The following BMPR1A variants were observed in gnomAD, a reference collection of about 807,000 sequenced individuals.
BMPR1A encodes the protein bone morphogenetic protein receptor type 1A.
A neutral mutation model predicts 66.0 loss-of-function variants in BMPR1A; 7 were observed. The observed-to-expected ratio is 0.11, with a 90% confidence interval of 0.06 to 0.20. The LOEUF (loss-of-function observed/expected upper bound fraction) is 0.20, where lower values mean the gene tolerates loss of function less well. Among genes scored for constraint, BMPR1A ranks in the 10% least tolerant of loss-of-function variants. BMPR1A has a pLI of 1.00. For missense variants in BMPR1A, 408 were observed against 669.1 expected, an observed-to-expected ratio of 0.61 and a Z score of 4.31; for synonymous variants, 200 against 229.7, an observed-to-expected ratio of 0.87 and a Z score of 1.17.
In BMPR1A at chr10:86,864,958, T is replaced by G. The variant is rs190448179; in HGVS notation, c.-152-10909T>G. Among the ~76,000 whole-genome samples, 707 of 152,028 alleles carry G rather than the reference T, an allele frequency of 4.7e-3. 2 individuals carry two copies. The highest frequency in any genetic ancestry group is 0.016 in the African/African-American group (680 of 41,450). On this transcript the variant is annotated intron_variant, in intron 2 of 12. Transcript: ENST00000372037. ...AGCAGCCCTGAGAAACACCGCCCAT[T>G]CTCTCTCCATACCACCCCCCAAAAA... is the stretch of plus-strand genomic sequence containing the variant.
In BMPR1A at chr10:86,762,461, T is replaced by C. The variant is rs952927573; in HGVS notation, c.-268+5542T>C. 5.3e-5 allele frequency among the ~76,000 whole-genome samples: 8 copies of C among 151,924 alleles called. No individual in the cohort carries two copies. In the East Asian group the frequency reaches 1.4e-3, roughly 26 times the overall value. ...GCAACCTCCGCCTCCTGGGTTCAAGTGATTATCCTGGCTCAGCTTCCCGAG... is the reference window on the plus strand; with the variant it reads ...GCAACCTCCGCCTCCTGGGTTCAAGCGATTATCCTGGCTCAGCTTCCCGAG... On this transcript the variant is annotated intron_variant, in intron 1 of 12. Coordinates refer to ENST00000372037, the MANE Select transcript of BMPR1A (RefSeq NM_004329.3).
chr10:86,889,145 C>T (rs1051974050), intron 3 of BMPR1A, among the ~76,000 whole-genome samples: 2 of 152,098 alleles, frequency 1.3e-5, no homozygotes, highest in Non-Finnish European at 2.9e-5. Flanking sequence ...TTTTTAGTTC[C>T]GTTCTGCTTC....
At chr10:86,896,821 G>GGTATT (rs1424159702) in intron 5 of BMPR1A, among the ~76,000 whole-genome samples, 1 of 152,198 alleles carries the variant, frequency 6.6e-6, no homozygotes, top group Non-Finnish European at 1.5e-5. Flanking sequence ...AATACGTGAA[G>GGTATT]GATACGTTGC....
upstream of BMPR1A, chr10:86,755,781 A>G (rs1847847926): frequency 1.3e-5 from 2 of 151,984 alleles, no homozygotes; most frequent in South Asian, 4.1e-4. Context: ...GCCGCTCCTT[A>G]TCTTATGCCG....
intron 9 of BMPR1A, among the ~76,000 whole-genome samples, chr10:86,917,811 T>C (rs764667642): frequency 2.0e-5 from 3 of 152,228 alleles, no homozygotes; most frequent in Non-Finnish European, 4.4e-5. Flanking sequence ...AGTTTTCTTT[T>C]CCCTTCACCT....
intron 1 of BMPR1A, among the ~76,000 whole-genome samples, chr10:86,803,397 C>T (rs992965623): frequency 6.6e-6 from 1 of 152,148 alleles, no homozygotes; most frequent in Non-Finnish European, 1.5e-5. Flanking sequence ...TAACAATTTA[C>T]ATCAGCCACA....
At chr10:86,802,214 C>T (rs1393089768) in intron 1 of BMPR1A, among the ~76,000 whole-genome samples, 1 of 152,118 alleles carries the variant, frequency 6.6e-6, no homozygotes, top group African/African-American at 2.4e-5. Flanking sequence ...TCAGCACAGT[C>T]CAGATGGTGG....
chr10:86,874,274 C>T (rs959869062), intron 2 of BMPR1A, among the ~76,000 whole-genome samples: 2 of 152,184 alleles, frequency 1.3e-5, no homozygotes, highest in African/African-American at 2.4e-5. Flanking sequence ...ATCACCAAAC[C>T]TTAATTGGAG....
chr10:86,923,845 A>G lies in BMPR1A; in HGVS notation c.*126A>G. 7.8e-7 allele frequency: 1 copy of G among 1,280,842 alleles called. No individual in the cohort carries two copies. Among genetic ancestry groups the G allele is most frequent in the East Asian group, 2.4e-5 (1 of 42,244 alleles). 79.3% of individuals were successfully genotyped at this position (1,280,842 alleles called of 1,614,324 possible). A position where few individuals can be genotyped will look rare whatever the true frequency, so the allele number is the denominator to read the frequency against. ...GACTCTTTCTTCACTACGTGTTCAC[A>G]GGCTGCTAATATTAAACCTTTCAGT... is the stretch of plus-strand genomic sequence containing the variant. On this transcript the variant is annotated 3_prime_UTR_variant, in exon 13 of 13. Transcript: ENST00000372037.
At chr10:86,802,075 C>T (rs1312471899) in intron 1 of BMPR1A, among the ~76,000 whole-genome samples, 4 of 152,098 alleles carry the variant, frequency 2.6e-5, no homozygotes, top group African/African-American at 7.2e-5. Flanking sequence ...TTTTTGTCTG[C>T]GTCGTTGAGG....
At chr10:86,806,662 C>T (rs1011350726) in intron 1 of BMPR1A, among the ~76,000 whole-genome samples, 3 of 152,096 alleles carry the variant, frequency 2.0e-5, no homozygotes, top group African/African-American at 7.2e-5. Flanking sequence ...GTTGATCCTC[C>T]CATCTCAGCC....
chr10:86,823,120 T>A (rs1842144334), intron 1 of BMPR1A, among the ~76,000 whole-genome samples: 1 of 152,218 alleles, frequency 6.6e-6, no homozygotes, highest in Non-Finnish European at 1.5e-5. Context: ...CAGCAAGTGT[T>A]TGATGCTATT....
intron 8 of BMPR1A, among the ~76,000 whole-genome samples, chr10:86,916,809 G>A (rs1428589808): frequency 2.0e-5 from 3 of 152,062 alleles, no homozygotes; most frequent in Non-Finnish European, 4.4e-5. Flanking sequence ...TGGTCAACGT[G>A]GCTAAACCCC....
At chr10:86,779,509 T>C (rs1841403618) in intron 1 of BMPR1A, among the ~76,000 whole-genome samples, 1 of 152,252 alleles carries the variant, frequency 6.6e-6, no homozygotes, top group Non-Finnish European at 1.5e-5. Flanking sequence ...TTGTATATTC[T>C]GGATATTGGC....
chr10:86,854,749 A>G, intron 2 of BMPR1A: 2 of 236,710 alleles, frequency 8.4e-6, no homozygotes, highest in Admixed American at 4.1e-5. Flanking sequence ...CATCCTCTAT[A>G]AAACTCCCTG....
chr10:86,766,560 A>T (rs1251195737), intron 1 of BMPR1A, among the ~76,000 whole-genome samples: 1 of 151,764 alleles, frequency 6.6e-6, no homozygotes, highest in African/African-American at 2.4e-5. Context: ...GTAACCATTC[A>T]TATTCCAGCC....
chr10:86,800,535 G>A (rs150828672), intron 1 of BMPR1A, among the ~76,000 whole-genome samples: 2,045 of 152,262 alleles, frequency 0.013, 41 homozygotes, highest in African/African-American at 0.047. Flanking sequence ...GGGATTACAG[G>A]CTTCCGCCAC....
At chr10:86,830,284 T>C (rs1373904040) in intron 1 of BMPR1A, among the ~76,000 whole-genome samples, 1 of 152,232 alleles carries the variant, frequency 6.6e-6, no homozygotes, top group Non-Finnish European at 1.5e-5. Flanking sequence ...TAATCTGGCT[T>C]AGCAGGGTTC....
At chr10:86,826,100 CT>C (rs888681475) in intron 1 of BMPR1A, among the ~76,000 whole-genome samples, 3 of 151,344 alleles carry the variant, frequency 2.0e-5, no homozygotes, top group South Asian at 2.1e-4. Flanking sequence ...GACATATATA[CT>C]TTTTTTATTC....
Sources: gnomAD v4.1 joint callset for allele counts (sites outside exome capture counted in the v4.1 genomes callset) on GRCh38, gnomAD v4.1.1 for gene constraint, MANE v1.5 for transcripts, NCBI Gene and HGNC (gene_info 2026-07-23, HGNC 2026-07-21) for gene names.